Variants in ATXN10 observed in about 807,000 individuals in gnomAD.
ATXN10 encodes the protein ataxin-10.
In ATXN10, 28 loss-of-function variants were observed where a neutral mutation model predicts 52.9. The observed-to-expected ratio is 0.53, with a 90% CI of 0.39 to 0.73. The LOEUF is 0.73. Ranked by LOEUF, ATXN10 falls within the 30% of genes least tolerant of loss-of-function variation. The pLI is 0.00. For missense variants in ATXN10, 565 were observed against 577.0 expected (o/e 0.98, Z 0.21); for synonymous variants, 226 against 221.5 (o/e 1.02, Z -0.18).
In ATXN10 at chr22:45,818,925, T is replaced by C. The variant is rs944271592; in HGVS notation, c.1237+11903T>C. On this transcript the variant is annotated intron_variant, in intron 10 of 11. Coordinates refer to ENST00000252934, the MANE Select transcript of ATXN10 (RefSeq NM_013236.4). The surrounding 1 kb of genome is among the most constrained non-coding windows in gnomAD (Gnocchi z 4.6). ...GCAGCATCCTGGGGCCTGACCTTGG[T>C]GCACTGTGTCTCTGGCTTCTTTGCA... Among the ~76,000 whole-genome samples, 3 of 152,164 alleles carry C rather than the reference T, an allele frequency of 2.0e-5. No homozygotes were observed. The highest frequency in any genetic ancestry group is 7.2e-5 in the African/African-American group (3 of 41,440).
Position 45,843,683 on chromosome 22 carries a change from C to T in ATXN10, c.*12C>T. ...TTCTTCTTTAGTGAATGAACTACAT[C>T]CAAATACCTGAATTTTTGGAATCTG... On this transcript the variant is annotated 3_prime_UTR_variant, in exon 12 of 12. Coordinates refer to ENST00000252934, the MANE Select transcript of ATXN10 (RefSeq NM_013236.4). The surrounding 1 kb of genome is among the most constrained non-coding windows in gnomAD (Gnocchi z 4.5). 1 of 1,611,038 alleles carries T rather than the reference C, an allele frequency of 6.2e-7. No homozygotes were observed. Among genetic ancestry groups the T allele is most frequent in the Non-Finnish European group, 8.5e-7 (1 of 1,177,840 alleles).
At position 45,823,100 on chromosome 22, in the gene ATXN10, A is replaced by G; in HGVS notation, c.1237+16078A>G. On this transcript the variant is annotated intron_variant, in intron 10 of 11. Coordinates refer to ENST00000252934, the MANE Select transcript of ATXN10 (RefSeq NM_013236.4). This position sits in a 1 kb window ranked among gnomAD's most constrained non-coding sequence, Gnocchi z 4.9. ...TAAACTGCAAAATTTTTAAGTATAC[A>G]TCTTGACATAAGTACAGATGTATGT... is the stretch of plus-strand genomic sequence containing the variant. 1 of 465,232 alleles carries G rather than the reference A, an allele frequency of 2.1e-6. No individual in the cohort carries two copies. The highest frequency in any genetic ancestry group is 4.4e-6 in the Non-Finnish European group (1 of 225,176). 28.8% of individuals were successfully genotyped at this position (465,232 alleles called of 1,614,324 possible). A position where few individuals can be genotyped will look rare whatever the true frequency, so the allele number is the denominator to read the frequency against.
At chr22:45,723,672 C>T (rs1487562572) in intron 6 of ATXN10, among the ~76,000 whole-genome samples, 2 of 152,050 alleles carry the variant, frequency 1.3e-5, no homozygotes, top group African/African-American at 4.8e-5. Flanking sequence ...ATAATGGCCT[C>T]CAACTGGGCA....
chr22:45,746,656 C>G (rs534432843), intron 9 of ATXN10, among the ~76,000 whole-genome samples: 20 of 144,696 alleles, frequency 1.4e-4, no homozygotes, highest in Admixed American at 1.3e-3. Context: ...ACTGTGTGGA[C>G]TTCCCAACCT....
chr22:45,686,113 G>T (rs546452551), intron 1 of ATXN10, among the ~76,000 whole-genome samples: 2 of 152,172 alleles, frequency 1.3e-5, no homozygotes, highest in Admixed American at 6.5e-5. Flanking sequence ...TTGAGCTGAT[G>T]CCTCACTTTC....
intron 10 of ATXN10, among the ~76,000 whole-genome samples, chr22:45,812,302 T>C (rs1361244717): frequency 6.6e-6 from 1 of 152,242 alleles, no homozygotes; most frequent in Non-Finnish European, 1.5e-5. Context: ...GGGATCAAGT[T>C]TTCTGTGTTT....
At position 45,795,354 on chromosome 22, in the gene ATXN10, GATTCTATTCT is replaced by G. The variant is rs60726084; in HGVS notation, c.1174-11544_1174-11535del. 0.14 allele frequency among the ~76,000 whole-genome samples: 17,150 copies of G among 126,554 alleles called. 1,111 individuals carry two copies. The highest frequency in any genetic ancestry group is 0.17 in the Middle Eastern group (47 of 272). 83.0% of individuals were successfully genotyped at this position (126,554 alleles called of 152,430 possible). Reference sequence around the variant, plus strand: ...ATCCAACTAAAAGACTACTAGAATGGATTCTATTCTATTCTATTCTATTCTATTCTATTCT... The same window carrying G: ...ATCCAACTAAAAGACTACTAGAATGGATTCTATTCTATTCTATTCTATTCT... On this transcript the variant is annotated intron_variant, in intron 9 of 11. Coordinates refer to ENST00000252934, the MANE Select transcript of ATXN10 (RefSeq NM_013236.4). This position sits in a 1 kb window ranked among gnomAD's most constrained non-coding sequence, Gnocchi z 4.6.
chr22:45,748,488 T>G (rs1314752739), intron 9 of ATXN10, among the ~76,000 whole-genome samples: 1 of 152,242 alleles, frequency 6.6e-6, no homozygotes, highest in Non-Finnish European at 1.5e-5. Context: ...ATTTTGATTC[T>G]TGTCATAAAT....
intron 9 of ATXN10, among the ~76,000 whole-genome samples, chr22:45,768,333 A>G (rs1238239070): frequency 6.6e-6 from 1 of 152,162 alleles, no homozygotes; most frequent in Non-Finnish European, 1.5e-5. Context: ...TCACAAGGAC[A>G]CAAGACCCTT....
rs984197521 is a variant in ATXN10, at chr22:45,843,365, C to T, written c.1425+187C>T. Among the ~76,000 whole-genome samples, 1 of 152,124 alleles carries T rather than the reference C, an allele frequency of 6.6e-6. No homozygotes were observed. The highest frequency in any genetic ancestry group is 1.5e-5 in the Non-Finnish European group (1 of 68,020). On this transcript the variant is annotated intron_variant, in intron 11 of 11. Coordinates refer to ENST00000252934, the MANE Select transcript of ATXN10 (RefSeq NM_013236.4). This position sits in a 1 kb window ranked among gnomAD's most constrained non-coding sequence, Gnocchi z 4.5. ...TTTTTTTGTTCCGGCTTTATGCTGCCATTTTCTTAAAAGAGGGACAATTTC... is the reference window on the plus strand; with the variant it reads ...TTTTTTTGTTCCGGCTTTATGCTGCTATTTTCTTAAAAGAGGGACAATTTC...
intron 1 of ATXN10, among the ~76,000 whole-genome samples, chr22:45,689,256 C>A (rs1297320622): frequency 6.6e-6 from 1 of 152,184 alleles, no homozygotes; most frequent in African/African-American, 2.4e-5. Flanking sequence ...CTGTCTAGAA[C>A]ATTAAATAAA....
intron 5 of ATXN10, among the ~76,000 whole-genome samples, chr22:45,717,307 A>G (rs1924485253): frequency 6.6e-6 from 1 of 152,182 alleles, no homozygotes; most frequent in South Asian, 2.1e-4. Flanking sequence ...TGTTTGGAGA[A>G]TATATTTGGC....
Position 45,842,915 on chromosome 22 carries a change from C to T in ATXN10, c.1238-76C>T, listed in dbSNP as rs1929392694. The T allele has an allele frequency of 1.3e-6, 2 of 1,498,684 alleles. No individual in the cohort carries two copies. Among genetic ancestry groups the T allele is most frequent in the Admixed American group, 1.7e-5 (1 of 59,654 alleles). 92.8% of individuals were successfully genotyped at this position (1,498,684 alleles called of 1,614,324 possible). On this transcript the variant is annotated intron_variant, in intron 10 of 11. Transcript: ENST00000252934. This position sits in a 1 kb window ranked among gnomAD's most constrained non-coding sequence, Gnocchi z 4.8. ...TGTTCCGTGTTTCTGTGCTCCTCTA[C>T]TCCTTTTCTGATAATTCTTATGTGA...
intron 6 of ATXN10, among the ~76,000 whole-genome samples, chr22:45,723,205 T>C (rs1372429098): frequency 6.6e-6 from 1 of 152,092 alleles, no homozygotes; most frequent in African/African-American, 2.4e-5. Context: ...ATGATAGAGA[T>C]ATATATAGAT....
Position 45,723,076 on chromosome 22 carries a change from G to A in ATXN10, c.728+4583G>A, listed in dbSNP as rs111276909. ...TTTAAAAGGAATATATTTAGAGTACGCATTTGGGCCACGTGGAATAGGTGG... is the reference window on the plus strand; with the variant it reads ...TTTAAAAGGAATATATTTAGAGTACACATTTGGGCCACGTGGAATAGGTGG... On this transcript the variant is annotated intron_variant, in intron 6 of 11. Coordinates refer to ENST00000252934, the MANE Select transcript of ATXN10 (RefSeq NM_013236.4). Among the ~76,000 whole-genome samples, 1,306 of 152,148 alleles carry A rather than the reference G, an allele frequency of 8.6e-3. 11 individuals are homozygous for A. Among genetic ancestry groups the A allele is most frequent in the African/African-American group, 0.029 (1,222 of 41,488 alleles).
chr22:45,836,814 G>A (rs1421495279), intron 10 of ATXN10, among the ~76,000 whole-genome samples: 2 of 152,220 alleles, frequency 1.3e-5, no homozygotes, highest in African/African-American at 4.8e-5. Context: ...ACCATGGTCC[G>A]AGAAGATATT....
rs987147299 is a variant in ATXN10, at chr22:45,705,215, C to CT, written c.647+2376dup. On this transcript the variant is annotated intron_variant, in intron 5 of 11. Coordinates refer to ENST00000252934, the MANE Select transcript of ATXN10 (RefSeq NM_013236.4). This position sits in a 1 kb window ranked among gnomAD's most constrained non-coding sequence, Gnocchi z 5.2. ...ATTCATAAGGCATATTGGTTTGTAGCTTTTTTTTCTTTTTGTGATTTCTTT... is the reference window on the plus strand; with the variant it reads ...ATTCATAAGGCATATTGGTTTGTAGCTTTTTTTTTCTTTTTGTGATTTCTTT... 7.2e-5 allele frequency among the ~76,000 whole-genome samples: 11 copies of CT among 151,792 alleles called. No individual in the cohort carries two copies. The highest frequency in any genetic ancestry group is 2.4e-4 in the African/African-American group (10 of 41,330).
intron 9 of ATXN10, among the ~76,000 whole-genome samples, chr22:45,802,051 GC>G (rs1381797478): frequency 9.2e-5 from 14 of 152,346 alleles, no homozygotes; most frequent in African/African-American, 3.4e-4. Context: ...TTAGAGTTGG[GC>G]CTGTACCCTT....
intron 10 of ATXN10, among the ~76,000 whole-genome samples, chr22:45,827,986 A>G (rs1012125194): frequency 1.3e-5 from 2 of 152,234 alleles, no homozygotes; most frequent in Non-Finnish European, 2.9e-5. Context: ...ACTATTCACA[A>G]ATTTATGGAA....
Sources: gnomAD v4.1 joint callset for allele counts (sites outside exome capture counted in the v4.1 genomes callset) on GRCh38, gnomAD v4.1.1 for gene constraint, Gnocchi (gnomAD v3.1) non-coding constraint, MANE v1.5 for transcripts, NCBI Gene and HGNC (gene_info 2026-07-23, HGNC 2026-07-21) for gene names.